CA10: variants seen among roughly 807,000 people sequenced by gnomAD.
CA10 encodes carbonic anhydrase-related protein 10.
A neutral mutation model predicts 44.2 loss-of-function variants in CA10; 14 were observed. The observed-to-expected ratio is 0.32, with a 90% CI of 0.21 to 0.50. CA10 has a LOEUF of 0.50. CA10 is among the 20% of genes least tolerant of loss of function. CA10 has a pLI of 0.99. For synonymous variants in CA10, 159 were observed against 141.6 expected (o/e 1.12, Z -0.87); for missense variants, 350 against 409.7 (o/e 0.85, Z 1.26).
intron 2 of CA10, among the ~76,000 whole-genome samples, chr17:52,053,199 A>T (rs1455248705): frequency 6.6e-6 from 1 of 152,080 alleles, no homozygotes; most frequent in African/African-American, 2.4e-5. Context: ...AGATGGTGAA[A>T]TCAGCATTGT....
At chr17:51,983,896 G>C (rs1984738171) in intron 2 of CA10, among the ~76,000 whole-genome samples, 2 of 151,630 alleles carry the variant, frequency 1.3e-5, no homozygotes, top group South Asian at 4.1e-4. Flanking sequence ...CATATAAAAA[G>C]GTGAAAGACC....
intron 4 of CA10, among the ~76,000 whole-genome samples, chr17:51,736,229 T>A (rs1916905649): frequency 6.6e-6 from 1 of 152,076 alleles, no homozygotes; most frequent in Non-Finnish European, 1.5e-5. Flanking sequence ...AATGAATAAT[T>A]CCATCAATTT....
chr17:51,914,346 C>T (rs997448884), intron 3 of CA10, among the ~76,000 whole-genome samples: 4 of 152,106 alleles, frequency 2.6e-5, no homozygotes, highest in African/African-American at 9.7e-5. Context: ...TCCCCTGACT[C>T]TATGGCTGCC....
At chr17:52,145,163 C>G (rs572201613) in intron 1 of CA10, among the ~76,000 whole-genome samples, 3 of 152,084 alleles carry the variant, frequency 2.0e-5, no homozygotes, top group Non-Finnish European at 1.5e-5. Flanking sequence ...TCTCATAATG[C>G]CTTATCATAT....
At chr17:52,067,199 T>C (rs1442497961) in intron 2 of CA10, among the ~76,000 whole-genome samples, 1 of 152,248 alleles carries the variant, frequency 6.6e-6, no homozygotes, top group Non-Finnish European at 1.5e-5. Context: ...AGTAGTTTCC[T>C]GGGCTGGGCC....
At chr17:51,715,251 G>T (rs902321642) in intron 4 of CA10, among the ~76,000 whole-genome samples, 24 of 152,060 alleles carry the variant, frequency 1.6e-4, no homozygotes, top group Middle Eastern at 6.8e-3. Context: ...AGCATTAGGA[G>T]ATATACCTAA....
chr17:52,095,811 T>C (rs979127309), intron 1 of CA10, among the ~76,000 whole-genome samples: 2 of 152,184 alleles, frequency 1.3e-5, no homozygotes, highest in Admixed American at 6.5e-5. Flanking sequence ...TCCCTTCTGA[T>C]GAAAATGTTT....
chr17:52,000,208 A>G (rs1985375614), intron 2 of CA10, among the ~76,000 whole-genome samples: 1 of 152,104 alleles, frequency 6.6e-6, no homozygotes, highest in African/African-American at 2.4e-5. Context: ...ATTTTAAGGA[A>G]GTCCTCAAGC....
In CA10 at chr17:52,091,519, T is replaced by C. The variant is rs532392726; in HGVS notation, c.62-19126A>G. Among the ~76,000 whole-genome samples, 9 of 152,298 alleles carry C rather than the reference T, an allele frequency of 5.9e-5. No homozygotes were observed. In the South Asian group the frequency reaches 1.9e-3, roughly 32 times the overall value. On this transcript the variant is annotated intron_variant, in intron 1 of 8. Transcript: ENST00000451037. ...TTTCTCACTCCCGCACATTGGCCACTGTGCTGCTGGCTAAACAATTTCCCC... is the reference window on the plus strand; with the variant it reads ...TTTCTCACTCCCGCACATTGGCCACCGTGCTGCTGGCTAAACAATTTCCCC...
chr17:51,716,330 G>A (rs553064188), intron 4 of CA10, among the ~76,000 whole-genome samples: 7 of 152,208 alleles, frequency 4.6e-5, no homozygotes, highest in Admixed American at 2.0e-4. Context: ...GGGCCTGGAC[G>A]TGACTAATCT....
At chr17:51,802,472 A>C (rs1906968508) in intron 3 of CA10, among the ~76,000 whole-genome samples, 1 of 149,852 alleles carries the variant, frequency 6.7e-6, no homozygotes, top group Non-Finnish European at 1.5e-5. Flanking sequence ...GACACTTTTC[A>C]CATGGGGAAA....
At chr17:51,721,166 C>T (rs987056295) in intron 4 of CA10, among the ~76,000 whole-genome samples, 9 of 151,886 alleles carry the variant, frequency 5.9e-5, no homozygotes, top group Admixed American at 2.0e-4. Flanking sequence ...CCCGTCTCTA[C>T]TAAAAATACA....
intron 1 of CA10, among the ~76,000 whole-genome samples, chr17:52,097,528 A>G (rs1988434912): frequency 2.0e-5 from 3 of 152,138 alleles, no homozygotes; most frequent in Admixed American, 1.3e-4. Flanking sequence ...CCAAATCTGT[A>G]TTGTTGATAT....
At chr17:51,875,688 TG>T (rs112524069) in intron 3 of CA10, among the ~76,000 whole-genome samples, 4,357 of 151,842 alleles carry the variant, frequency 0.029, 100 homozygotes, top group African/African-American at 0.063. Flanking sequence ...GTTTATTTTT[TG>T]GGGGGGGTAT....
chr17:52,131,421 C>G (rs906553736), intron 1 of CA10, among the ~76,000 whole-genome samples: 2 of 142,470 alleles, frequency 1.4e-5, no homozygotes, highest in Non-Finnish European at 3.2e-5. Flanking sequence ...TAAATGCAAC[C>G]AGCATATAAA....
chr17:51,940,792 C>T (rs1183566555), intron 2 of CA10, among the ~76,000 whole-genome samples: 1 of 152,050 alleles, frequency 6.6e-6, no homozygotes, highest in African/African-American at 2.4e-5. Flanking sequence ...TCCTCCCTAA[C>T]CTGGTGCCCT....
intron 4 of CA10, among the ~76,000 whole-genome samples, chr17:51,740,675 C>T (rs148749582): frequency 2.0e-5 from 3 of 152,296 alleles, no homozygotes; most frequent in Non-Finnish European, 2.9e-5. Flanking sequence ...CTGACCTCTC[C>T]GACCTCCTTC....
At chr17:52,139,062 G>C (rs1042138692) in intron 1 of CA10, among the ~76,000 whole-genome samples, 3 of 152,228 alleles carry the variant, frequency 2.0e-5, no homozygotes, top group African/African-American at 7.2e-5. Context: ...CAAACTAGGA[G>C]TTGGTAAATT....
intron 2 of CA10, among the ~76,000 whole-genome samples, chr17:51,942,643 GC>G (rs1469218900): frequency 3.3e-5 from 5 of 151,602 alleles, no homozygotes; most frequent in Non-Finnish European, 5.9e-5. Context: ...GTAGCCTAAT[GC>G]AGGTTCCCAC....
Sources: gnomAD v4.1 joint callset for allele counts (sites outside exome capture counted in the v4.1 genomes callset) on GRCh38, gnomAD v4.1.1 for gene constraint, MANE v1.5 for transcripts, NCBI Gene and HGNC (gene_info 2026-07-23, HGNC 2026-07-21) for gene names.